Variants in ENTREP2 observed in about 807,000 individuals in gnomAD.
The protein encoded by ENTREP2 is protein ENTREP2.
the ENTREP2 span, among the ~76,000 whole-genome samples, chr15:29,202,028 A>G: frequency 5.2e-4 from 79 of 152,240 alleles, no homozygotes; most frequent in Non-Finnish European, 5.4e-4. Flanking sequence ...AAATTGATCT[A>G]TTTCATCTAA....
the ENTREP2 span, among the ~76,000 whole-genome samples, chr15:29,159,369 G>C: frequency 6.6e-6 from 1 of 152,156 alleles, no homozygotes; most frequent in East Asian, 1.9e-4. Context: ...AAGGTGGACC[G>C]AGAGAGTGAG....
At chr15:29,253,406 G>T in the ENTREP2 span, among the ~76,000 whole-genome samples, 1 of 150,216 alleles carries the variant, frequency 6.7e-6, no homozygotes, top group Non-Finnish European at 1.5e-5. Context: ...AAATACAGAG[G>T]TTTGGCCAAA....
At chr15:29,410,962 T>C in the ENTREP2 span, among the ~76,000 whole-genome samples, 5 of 152,270 alleles carry the variant, frequency 3.3e-5, no homozygotes, top group Non-Finnish European at 7.4e-5. Context: ...ATTTTTTTAT[T>C]TTTAGTAGAG....
the ENTREP2 span, among the ~76,000 whole-genome samples, chr15:29,510,825 T>C: frequency 7.2e-6 from 1 of 139,496 alleles, no homozygotes; most frequent in Non-Finnish European, 1.6e-5. Context: ...AAAAAAAAAA[T>C]GTGGCACATA....
chr15:29,401,783 A>G, the ENTREP2 span, among the ~76,000 whole-genome samples: 1 of 152,250 alleles, frequency 6.6e-6, no homozygotes, highest in Admixed American at 6.5e-5. Context: ...TACATAGAAC[A>G]TGAATATGTG....
chr15:29,294,684 G>C, the ENTREP2 span, among the ~76,000 whole-genome samples: 1 of 152,338 alleles, frequency 6.6e-6, no homozygotes, highest in African/African-American at 2.4e-5. Context: ...TAATTTCCAG[G>C]ATGATATTAA....
At chr15:29,359,226 C>T in the ENTREP2 span, among the ~76,000 whole-genome samples, 525 of 152,176 alleles carry the variant, frequency 3.4e-3, 1 homozygote, top group Non-Finnish European at 5.0e-3. Flanking sequence ...GGGCAGAACA[C>T]GAAGGAGTGT....
chr15:29,397,337 G>C, the ENTREP2 span, among the ~76,000 whole-genome samples: 1 of 152,158 alleles, frequency 6.6e-6, no homozygotes, highest in Non-Finnish European at 1.5e-5. Context: ...GTTGCCGTGA[G>C]CCGAGATTGT....
chr15:29,495,465 C>T, the ENTREP2 span, among the ~76,000 whole-genome samples: 2 of 152,168 alleles, frequency 1.3e-5, no homozygotes, highest in African/African-American at 4.8e-5. Context: ...AACATCACTG[C>T]TAAGATCCAT....
the ENTREP2 span, among the ~76,000 whole-genome samples, chr15:29,386,920 A>G: frequency 5.3e-5 from 8 of 152,254 alleles, no homozygotes; most frequent in South Asian, 1.0e-3. Flanking sequence ...GGGTTTTCTA[A>G]ATATACAATC....
chr15:29,235,087 C>G, the ENTREP2 span: 1 of 1,084,484 alleles, frequency 9.2e-7, no homozygotes, highest in Non-Finnish European at 1.4e-6. Context: ...GCCCGAGGGA[C>G]CTTTTCCTCA....
chr15:29,388,324 C>A, the ENTREP2 span, among the ~76,000 whole-genome samples: 1 of 152,210 alleles, frequency 6.6e-6, no homozygotes, highest in Non-Finnish European at 1.5e-5. Flanking sequence ...TGAACAGACA[C>A]TTCTCAAAAG....
chr15:29,383,383 T>C, the ENTREP2 span, among the ~76,000 whole-genome samples: 1 of 152,170 alleles, frequency 6.6e-6, no homozygotes, highest in Admixed American at 6.5e-5. Context: ...CTGGAGATCT[T>C]TCCCTCTCCC....
chr15:29,384,769 C>T, the ENTREP2 span, among the ~76,000 whole-genome samples: 4 of 152,100 alleles, frequency 2.6e-5, no homozygotes, highest in African/African-American at 9.7e-5. Context: ...CCTCCCGGCC[C>T]CAGCCTCAGC....
At chr15:29,320,599 G>A in the ENTREP2 span, among the ~76,000 whole-genome samples, 1 of 152,330 alleles carries the variant, frequency 6.6e-6, no homozygotes, top group East Asian at 1.9e-4. Flanking sequence ...TAAAACCACT[G>A]TGATGAATAT....
chr15:29,583,056 G>A, the ENTREP2 span, among the ~76,000 whole-genome samples: 2 of 152,108 alleles, frequency 1.3e-5, no homozygotes, highest in Admixed American at 6.6e-5. Flanking sequence ...TAAAATTTCT[G>A]AGCTCTAAAG....
the ENTREP2 span, among the ~76,000 whole-genome samples, chr15:29,253,544 G>C: frequency 6.6e-6 from 1 of 150,762 alleles, no homozygotes; most frequent in Non-Finnish European, 1.5e-5. Context: ...CCGGGTTCAA[G>C]CGATTATCTT....
At chr15:29,450,463 C>T in the ENTREP2 span, among the ~76,000 whole-genome samples, 65,963 of 151,968 alleles carry the variant, frequency 0.43, 15,986 homozygotes, top group Non-Finnish European at 0.53. Flanking sequence ...CCAGCTATCC[C>T]GGCACCATTT....
the ENTREP2 span, among the ~76,000 whole-genome samples, chr15:29,425,054 A>G: frequency 6.6e-6 from 1 of 152,048 alleles, no homozygotes. Flanking sequence ...TTTGAGATGG[A>G]GTCTCGCTCT....
Sources: allele counts gnomAD v4.1 joint callset (sites outside exome capture counted in the v4.1 genomes callset), GRCh38; gene constraint gnomAD v4.1.1; transcripts MANE v1.5; gene names NCBI Gene and HGNC (gene_info 2026-07-23, HGNC 2026-07-21).